SCN11A: variants seen among roughly 807,000 people sequenced by gnomAD.
SCN11A encodes the protein sodium voltage-gated channel alpha subunit 11.
Under a neutral mutation model 162.2 loss-of-function variants are expected in SCN11A, and 122 were observed. The observed-to-expected ratio is 0.75, with a 90% CI of 0.65 to 0.87. SCN11A has a LOEUF of 0.87. SCN11A is among the 40% of genes least tolerant of loss of function. The pLI is 0.00. For missense variants in SCN11A, 2,015 were observed against 2,181.6 expected (o/e 0.92, Z 1.52); for synonymous variants, 758 against 751.5 (o/e 1.01, Z -0.14).
chr3:38,900,559 A>C (rs1457950897), intron 16 of SCN11A, among the ~76,000 whole-genome samples: 1 of 151,922 alleles, frequency 6.6e-6, no homozygotes, highest in East Asian at 1.9e-4. Flanking sequence ...CAACACCTTG[A>C]TCAGAAAAAT....
chr3:39,017,280 T>G (rs1263957889), intron 2 of SCN11A, among the ~76,000 whole-genome samples: 1 of 152,222 alleles, frequency 6.6e-6, no homozygotes, highest in Non-Finnish European at 1.5e-5. Flanking sequence ...CTTTTCAGTC[T>G]CCAGAACCCT....
intron 27 of SCN11A, among the ~76,000 whole-genome samples, chr3:38,865,634 G>C (rs984992864): frequency 3.3e-5 from 5 of 151,924 alleles, no homozygotes; most frequent in Admixed American, 2.0e-4. Context: ...AAAATAACAA[G>C]ATTGGGAGTT....
chr3:38,932,393 G>A (rs7630603), intron 7 of SCN11A, among the ~76,000 whole-genome samples: 10,220 of 152,182 alleles, frequency 0.067, 1,104 homozygotes, highest in African/African-American at 0.23. Context: ...GCAGCGCACC[G>A]TGCATGAGCC....
chr3:39,010,489 C>T (rs2031099333), intron 2 of SCN11A, among the ~76,000 whole-genome samples: 1 of 151,784 alleles, frequency 6.6e-6, no homozygotes, highest in Non-Finnish European at 1.5e-5. Context: ...CGCCATTCTC[C>T]TGCCTCAGCC....
intron 2 of SCN11A, among the ~76,000 whole-genome samples, chr3:38,971,159 GTTT>G (rs554242537): frequency 6.8e-6 from 1 of 146,190 alleles, no homozygotes; most frequent in Admixed American, 6.8e-5. Context: ...TCTTTTTCTT[GTTT>G]TTTTTTTTAA....
In SCN11A at chr3:38,942,161, C is replaced by A. The variant is rs1167044614; in HGVS notation, c.488+3250G>T. 2.6e-5 allele frequency among the ~76,000 whole-genome samples: 4 copies of A among 152,012 alleles called. No individual in the cohort carries two copies. In the South Asian group the frequency reaches 6.2e-4, roughly 24 times the overall value. ...AATACATCAGGAGGATAATAATAAT[C>A]ATCGTAAATATGTATGTACCTGATA... On this transcript the variant is annotated intron_variant, in intron 7 of 29. Coordinates refer to ENST00000302328, the MANE Select transcript of SCN11A (RefSeq NM_001349253.2).
At chr3:38,873,565 A>C (rs2065162063) in intron 23 of SCN11A, among the ~76,000 whole-genome samples, 1 of 152,202 alleles carries the variant, frequency 6.6e-6, no homozygotes, top group Admixed American at 6.5e-5. Flanking sequence ...TACTCCACTT[A>C]TTCCTAGCCA....
At chr3:38,855,871 A>G (rs2064860366) in intron 28 of SCN11A, among the ~76,000 whole-genome samples, 1 of 152,156 alleles carries the variant, frequency 6.6e-6, no homozygotes, top group African/African-American at 2.4e-5. Flanking sequence ...GGAAACCTGA[A>G]AACAGATCAC....
At chr3:39,043,972 T>C (rs2032122034) in intron 1 of SCN11A, among the ~76,000 whole-genome samples, 1 of 152,128 alleles carries the variant, frequency 6.6e-6, no homozygotes, top group Non-Finnish European at 1.5e-5. Flanking sequence ...CATAAATGAA[T>C]ACACCTACTA....
intron 11 of SCN11A, among the ~76,000 whole-genome samples, chr3:38,915,795 G>C (rs943588477): frequency 2.6e-5 from 4 of 152,104 alleles, no homozygotes; most frequent in Admixed American, 6.6e-5. Context: ...GGGGTGGAGA[G>C]TTCTGTAGAG....
chr3:38,886,054 C>A, intron 20 of SCN11A, 71 bp downstream of exon 20: 2 of 981,968 alleles, frequency 2.0e-6, no homozygotes, highest in South Asian at 1.7e-5. Flanking sequence ...GCCATTTTTC[C>A]ATAATAACTA....
At chr3:39,011,273 G>A (rs757746147) in intron 2 of SCN11A, among the ~76,000 whole-genome samples, 3 of 152,212 alleles carry the variant, frequency 2.0e-5, no homozygotes, top group Non-Finnish European at 4.4e-5. Context: ...CTAAAAAGGT[G>A]GGATATATTT....
At chr3:38,921,005 C>T in intron 10 of SCN11A, 71 bp downstream of exon 10, 1 of 1,390,286 alleles carries the variant, frequency 7.2e-7, no homozygotes, top group Non-Finnish European at 1.0e-6. Context: ...AGTGTGAAGG[C>T]AGGACAAGTG....
At chr3:38,852,951 G>T (rs1307854061) in intron 28 of SCN11A, among the ~76,000 whole-genome samples, 1 of 152,236 alleles carries the variant, frequency 6.6e-6, no homozygotes, top group African/African-American at 2.4e-5. Context: ...TTCATTGAAG[G>T]CTTGATTGGT....
At chr3:39,009,843 ATTTTT>A (rs60263866) in intron 2 of SCN11A, among the ~76,000 whole-genome samples, 7 of 115,314 alleles carry the variant, frequency 6.1e-5, no homozygotes, top group Middle Eastern at 9.6e-3. Context: ...CGCTCAGCTA[ATTTTT>A]TTTTTTTTTT....
intron 23 of SCN11A, among the ~76,000 whole-genome samples, chr3:38,873,802 T>C (rs1047357752): frequency 6.6e-6 from 1 of 152,210 alleles, no homozygotes; most frequent in African/African-American, 2.4e-5. Context: ...ACTAGTTTTA[T>C]CTTATTTTTA....
chr3:39,004,418 C>A (rs994950269), intron 2 of SCN11A, among the ~76,000 whole-genome samples: 1 of 152,200 alleles, frequency 6.6e-6, no homozygotes, highest in Non-Finnish European at 1.5e-5. Flanking sequence ...ATTTTGGTTA[C>A]TGTAGCCCTG....
chr3:38,920,047 G>A (rs755471022), intron 10 of SCN11A, 46 bp from the exon 11 acceptor site: 9 of 1,365,066 alleles, frequency 6.6e-6, no homozygotes, highest in Admixed American at 3.4e-5. Context: ...AAAAAACATT[G>A]AAAGGAAAGA....
Position 38,950,387 on chromosome 3 carries a change from C to A in SCN11A, c.-7-18G>T. ...TCTTCACCCTCAGGACAGAGACAAG[C>A]CACAGATCCTCAGAAAGGCCTCAGG... On this transcript the variant is annotated intron_variant, in intron 4 of 29. Transcript: ENST00000302328. 1.2e-6 allele frequency: 2 copies of A among 1,611,424 alleles called. No individual in the cohort carries two copies. Among genetic ancestry groups the A allele is most frequent in the East Asian group, 4.5e-5 (2 of 44,840 alleles).
Sources: allele counts gnomAD v4.1 joint callset (sites outside exome capture counted in the v4.1 genomes callset), GRCh38; gene constraint gnomAD v4.1.1; transcripts MANE v1.5; gene names NCBI Gene and HGNC (gene_info 2026-07-23, HGNC 2026-07-21).